Variants in MGAM observed in about 807,000 individuals in gnomAD.
MGAM encodes the protein maltase-glucoamylase, also known as alpha-1,4-glucosidase.
In MGAM, 253 loss-of-function variants were observed where a neutral mutation model predicts 358.8. The ratio of observed to expected loss-of-function variants is 0.71; its 90% confidence interval spans 0.64 to 0.78. The LOEUF (loss-of-function observed/expected upper bound fraction) is 0.78. Among genes scored for constraint, MGAM ranks in the 30% least tolerant of loss-of-function variants. The pLI is 0.00. For missense variants in MGAM, 3,080 were observed against 3,432.6 expected (o/e 0.90, Z 2.57); for synonymous variants, 1,105 against 1,227.1 (o/e 0.90, Z 2.08).
chr7:142,038,681 C>A, intron 19 of MGAM, 66 bp downstream of exon 19: 1 of 1,194,992 alleles, frequency 8.4e-7, no homozygotes, highest in Non-Finnish European at 1.2e-6. Context: ...GCAAACTCCT[C>A]TCTGCTTCTT....
chr7:142,045,609 T>C (rs1160467716), intron 21 of MGAM, among the ~76,000 whole-genome samples: 1 of 108,732 alleles, frequency 9.2e-6, no homozygotes, highest in African/African-American at 3.8e-5. Flanking sequence ...ATATATAATA[T>C]ATATTATATA....
In MGAM at chr7:142,021,596, AAACCAAT is replaced by A. The variant is rs1554458832; in HGVS notation, c.573_579del (p.Asn192GlyfsTer20). Reference sequence around the variant, plus strand: ...TCTATCTCTGCACAGTTGACTGACCAAACCAATAACAGGTTTGAAGTGCCCCACGAAC... The same window carrying A: ...TCTATCTCTGCACAGTTGACTGACCAAACAGGTTTGAAGTGCCCCACGAAC... On this transcript the variant is annotated frameshift_variant, in exon 6 of 71. Transcript: ENST00000475668. LOFTEE classifies it high-confidence loss of function. The A allele has an allele frequency of 1.2e-6, 2 of 1,613,874 alleles. No homozygotes were observed. Among genetic ancestry groups the A allele is most frequent in the Admixed American group, 1.7e-5 (1 of 60,010 alleles).
At chr7:142,079,116 A>T in intron 49 of MGAM, 108 bp downstream of exon 49, 2 of 1,000,124 alleles carry the variant, frequency 2.0e-6, no homozygotes, top group South Asian at 3.1e-5. Flanking sequence ...GCTACATTAG[A>T]CTATGTCATT....
At chr7:142,069,925 G>A (rs1303363239) in intron 43 of MGAM, among the ~76,000 whole-genome samples, 2 of 145,688 alleles carry the variant, frequency 1.4e-5, no homozygotes, top group African/African-American at 4.9e-5. Context: ...CAGGTGTGGT[G>A]GCTCACACCT....
intron 18 of MGAM, among the ~76,000 whole-genome samples, chr7:142,038,009 T>A (rs548025941): frequency 6.6e-6 from 1 of 151,350 alleles, no homozygotes; most frequent in African/African-American, 2.4e-5. Flanking sequence ...TTTCTAACTA[T>A]TTTTTTTTGT....
upstream of MGAM, among the ~76,000 whole-genome samples, chr7:141,993,546 G>T (rs1232076716): frequency 6.6e-6 from 1 of 152,156 alleles, no homozygotes; most frequent in South Asian, 2.1e-4. Context: ...CACAGAGCGG[G>T]GAACTCTGCC....
intron 21 of MGAM, among the ~76,000 whole-genome samples, chr7:142,046,210 C>G (rs1206506269): frequency 6.8e-6 from 1 of 146,686 alleles, no homozygotes; most frequent in Non-Finnish European, 1.5e-5. Context: ...TGTCTTTCTT[C>G]TTTAATACTG....
intron 50 of MGAM, among the ~76,000 whole-genome samples, chr7:142,081,818 C>A (rs556465010): frequency 6.9e-6 from 1 of 145,372 alleles, no homozygotes; most frequent in South Asian, 2.2e-4. Context: ...TTGTAGAGGA[C>A]CACTGAAAGG....
chr7:142,099,554 A>C (rs555766441), intron 66 of MGAM, 59 bp from the exon 67 acceptor site: 8 of 1,612,296 alleles, frequency 5.0e-6, no homozygotes. Context: ...GGCAGGATGC[A>C]TTGTTCAGGG....
chr7:142,062,776 C>T (rs1441613442), intron 35 of MGAM, 74 bp downstream of exon 35: 2 of 1,581,384 alleles, frequency 1.3e-6, no homozygotes, highest in African/African-American at 2.7e-5. Flanking sequence ...GTACCACTGA[C>T]CTTCAATCAA....
rs768376974 is a variant in MGAM at position 142,054,817 on chromosome 7, T to C, written c.3223T>C (p.Ser1075Pro). Residue 1075 changes from serine (S) to proline (P), a missense_variant, in exon 27 of 71, where the codon TCC becomes CCC. Around this residue, in one of 5 missense-constraint regions of MGAM, gnomAD observed 1,816 missense variants for 1,840.5 expected, o/e 0.99. Coordinates refer to ENST00000475668, the MANE Select transcript of MGAM (RefSeq NM_001365693.1). ...PVPLNIPSMP[S>P]STPEGQLYDV... ...CCCTCTGAACATACCCAGCATGCCA[T>C]CCAGCACCCCTGAGGGTCAACTCTA... is the stretch of plus-strand genomic sequence containing the variant. 2 of 1,613,986 alleles carry C rather than the reference T, an allele frequency of 1.2e-6. No individual in the cohort carries two copies. The highest frequency in any genetic ancestry group is 2.2e-5 in the East Asian group (1 of 44,884).
At chr7:142,030,037 A>G (rs1807329042) in intron 10 of MGAM, among the ~76,000 whole-genome samples, 2 of 152,110 alleles carry the variant, frequency 1.3e-5, no homozygotes, top group Admixed American at 6.5e-5. Context: ...GTCATTTCTT[A>G]GGTGGATATG....
At chr7:141,989,483 A>G (rs550766747) in intron 2 of MGAM, among the ~76,000 whole-genome samples, 1 of 152,220 alleles carries the variant, frequency 6.6e-6, no homozygotes, top group African/African-American at 2.4e-5. Flanking sequence ...CAAGTTCTGC[A>G]GAAAGTAAGT....
In MGAM at chr7:142,051,002, GA is replaced by G. The variant is rs890348807; in HGVS notation, c.2805+145del. ...GTTTTGGGGAAGTGAGAGGGCTGGGGAAAAAAATGAGGTGGCCAGAGCTAGA... is the reference window on the plus strand; with the variant it reads ...GTTTTGGGGAAGTGAGAGGGCTGGGGAAAAAATGAGGTGGCCAGAGCTAGA... On this transcript the variant is annotated intron_variant, in intron 24 of 70. Transcript: ENST00000475668. 8.2e-5 allele frequency: 90 copies of G among 1,095,022 alleles called. 1 individual carries two copies. Among genetic ancestry groups the G allele is most frequent in the African/African-American group, 4.1e-4 (26 of 63,142 alleles). The allele number at this position is 1,095,022 out of a possible 1,614,324, so 67.8% of individuals were successfully genotyped here.
intron 2 of MGAM, among the ~76,000 whole-genome samples, chr7:141,990,671 T>A (rs1417561077): frequency 6.6e-6 from 1 of 152,080 alleles, no homozygotes; most frequent in Non-Finnish European, 1.5e-5. Flanking sequence ...TTTTTATGTT[T>A]TTTTATTTTT....
intron 15 of MGAM, 33 bp downstream of exon 15, chr7:142,034,412 T>C (rs782539153): frequency 5.9e-6 from 8 of 1,351,380 alleles, no homozygotes; most frequent in Non-Finnish European, 6.2e-6. Context: ...CTGCTAATTA[T>C]TGAATATAAA....
intron 65 of MGAM, among the ~76,000 whole-genome samples, 190 bp from the exon 66 acceptor site, chr7:142,097,403 T>A (rs1253674725): frequency 6.6e-6 from 1 of 152,160 alleles, no homozygotes; most frequent in African/African-American, 2.4e-5. Flanking sequence ...CCACTTGTTT[T>A]GGGGTAGACA....
chr7:142,095,703 C>G lies in MGAM; in HGVS notation c.7597C>G (p.Leu2533Val). The change falls in exon 64 of 71, where the codon CTG (leucine) becomes GTG (valine). Residue 2533 changes from leucine (L) to valine (V), a missense_variant. Leu to Val is a conservative substitution (Grantham distance 32, BLOSUM62 1). Transcript: ENST00000475668. Reference sequence around the variant, plus strand: ...GGAGGGCGTCACTGTTGTGCGGCCTCTGCTCCATGAGTGAGTGTCCAGCAG... The same window carrying G: ...GGAGGGCGTCACTGTTGTGCGGCCTGTGCTCCATGAGTGAGTGTCCAGCAG... Reference protein sequence around the residue: ...HTEGVTVVRPLLHEFVSDQVT... With the variant: ...HTEGVTVVRPVLHEFVSDQVT... 6.2e-7 allele frequency: 1 copy of G among 1,613,998 alleles called. No homozygotes were observed. Among genetic ancestry groups the G allele is most frequent in the Non-Finnish European group, 8.5e-7 (1 of 1,179,878 alleles).
chr7:142,030,519 A>G (rs1429971504), intron 11 of MGAM, 26 bp downstream of exon 11: 3 of 1,613,096 alleles, frequency 1.9e-6, no homozygotes, highest in Non-Finnish European at 2.5e-6. Context: ...TTTCCACCAA[A>G]TTAGGTATTT....
Sources: gnomAD v4.1 joint callset for allele counts (sites outside exome capture counted in the v4.1 genomes callset) on GRCh38, gnomAD v4.1.1 for gene constraint, gnomAD v4.1.1 regional missense constraint, MANE v1.5 for transcripts, NCBI Gene and HGNC (gene_info 2026-07-23, HGNC 2026-07-21) for gene names.